The following FAT3 variants were observed in gnomAD, a reference collection of about 807,000 sequenced individuals.
The protein encoded by FAT3 is protocadherin Fat 3.
Under a neutral mutation model 310.2 loss-of-function variants are expected in FAT3, and 95 were observed. The observed-to-expected ratio is 0.31, with a 90% confidence interval of 0.26 to 0.36. The LOEUF is 0.36. Ranked by LOEUF, FAT3 falls within the 10% of genes least tolerant of loss-of-function variation. The pLI is 1.00. For synonymous variants in FAT3, 2,314 were observed against 2,192.9 expected (o/e 1.06, Z -1.54); for missense variants, 5,408 against 5,715.6 (o/e 0.95, Z 1.74).
intron 3 of FAT3, among the ~76,000 whole-genome samples, chr11:92,601,814 C>T (rs533604806): frequency 6.6e-6 from 1 of 152,188 alleles, no homozygotes; most frequent in African/African-American, 2.4e-5. Flanking sequence ...AAACATCATT[C>T]GTTCCAAGGC....
intron 3 of FAT3, among the ~76,000 whole-genome samples, chr11:92,531,778 C>G (rs1298916644): frequency 1.3e-5 from 2 of 151,626 alleles, no homozygotes; most frequent in Non-Finnish European, 2.9e-5. Flanking sequence ...TTTTCATATA[C>G]TTATTGTGAA....
chr11:92,712,326 C>T (rs894190567), intron 4 of FAT3, among the ~76,000 whole-genome samples: 1 of 152,100 alleles, frequency 6.6e-6, no homozygotes, highest in Non-Finnish European at 1.5e-5. Context: ...TACGTGCATG[C>T]CAAGAATAAG....
Position 92,840,730 on chromosome 11 carries a change from G to A in FAT3, c.10537G>A (p.Glu3513Lys). 1.9e-6 allele frequency: 3 copies of A among 1,602,024 alleles called. No individual in the cohort carries two copies. Among genetic ancestry groups the A allele is most frequent in the Non-Finnish European group, 2.6e-6 (3 of 1,170,012 alleles). ...GTCGGCTGTGGTCTTCCAGCACACA[G>A]AGTCTCTGGAATACGTGTTGTGTGT... is the stretch of plus-strand genomic sequence containing the variant. Reference protein sequence around the residue: ...LRSAVVFQHTESLEYVLCVQA... With the variant: ...LRSAVVFQHTKSLEYVLCVQA... The change falls in exon 18 of 28, where the codon GAG becomes AAG. Residue 3513 changes from glutamate to lysine, a missense_variant. By Grantham distance (56) the Glu-to-Lys change is moderately conservative. Around this residue, in one of 5 missense-constraint regions of FAT3, gnomAD observed 4,588 missense variants for 4,809.8 expected, o/e 0.95. Transcript: ENST00000525166.
intron 1 of FAT3, among the ~76,000 whole-genome samples, chr11:92,297,242 T>C (rs540413067): frequency 6.6e-6 from 1 of 152,134 alleles, no homozygotes; most frequent in Non-Finnish European, 1.5e-5. Context: ...TGAATTTTCA[T>C]AGTGTTTCAT....
intron 2 of FAT3, among the ~76,000 whole-genome samples, chr11:92,420,131 G>A (rs1254887808): frequency 6.6e-6 from 1 of 152,138 alleles, no homozygotes; most frequent in Non-Finnish European, 1.5e-5. Context: ...TGTCATTCAA[G>A]GGCAGAGTCT....
intron 2 of FAT3, among the ~76,000 whole-genome samples, chr11:92,506,152 G>A (rs1953093047): frequency 6.6e-6 from 1 of 152,122 alleles, no homozygotes; most frequent in Non-Finnish European, 1.5e-5. Flanking sequence ...CTCTAGGGCT[G>A]TTCCTAATTT....
chr11:92,722,918 C>G (rs141670187), intron 4 of FAT3, among the ~76,000 whole-genome samples: 1 of 152,090 alleles, frequency 6.6e-6, no homozygotes, highest in Non-Finnish European at 1.5e-5. Context: ...GCCTGGCCTA[C>G]GAAAACATCT....
At chr11:92,868,345 G>A (rs927600274) in intron 22 of FAT3, among the ~76,000 whole-genome samples, 1 of 152,140 alleles carries the variant, frequency 6.6e-6, no homozygotes, top group Admixed American at 6.5e-5. Context: ...TGAGGGCCAA[G>A]TACCCTGGGG....
intron 3 of FAT3, among the ~76,000 whole-genome samples, chr11:92,531,347 A>T (rs1383254319): frequency 6.6e-6 from 1 of 152,090 alleles, no homozygotes; most frequent in Admixed American, 6.6e-5. Context: ...CATTGTCATT[A>T]TGTCCCCAGG....
Position 92,844,148 on chromosome 11 carries a change from G to C in FAT3, c.10781G>C (p.Ser3594Thr), listed in dbSNP as rs773817037. The change falls in exon 19 of 28, where the codon AGC (serine) becomes ACC (threonine). Residue 3594 changes from serine (S) to threonine (T), a missense_variant. Ser to Thr is a moderately conservative substitution (Grantham distance 58). Around this residue, in one of 5 missense-constraint regions of FAT3, gnomAD observed 4,588 missense variants for 4,809.8 expected, o/e 0.95. Transcript: ENST00000525166. Reference sequence around the variant, plus strand: ...TTTGCCCTGAAATCGGAGCAGAAAAGCTTATTTAAAGTGAACAGTCACGAT... The same window carrying C: ...TTTGCCCTGAAATCGGAGCAGAAAACCTTATTTAAAGTGAACAGTCACGAT... ...LTFALKSEQK[S>T]LFKVNSHDGK... 1.9e-6 allele frequency: 3 copies of C among 1,614,014 alleles called. No homozygotes were observed. The highest frequency in any genetic ancestry group is 3.3e-5 in the Admixed American group (2 of 60,022).
rs1042635188 is a variant in FAT3 at position 92,765,218 on chromosome 11, G to A, written c.4195+129G>A. 7 of 828,132 alleles carry A rather than the reference G, an allele frequency of 8.5e-6. No homozygotes were observed. The African/African-American group carries it at 1.0e-4, about 12-fold the overall frequency. 51.3% of individuals were successfully genotyped at this position (828,132 alleles called of 1,614,324 possible). ...CCAAGATTAAAAGATGTATAGTGCTGGAATGCAAAAGAGCCAGTAAAGTGA... is the reference window on the plus strand; with the variant it reads ...CCAAGATTAAAAGATGTATAGTGCTAGAATGCAAAAGAGCCAGTAAAGTGA... On this transcript the variant is annotated intron_variant, in intron 6 of 27. Coordinates refer to ENST00000525166, the MANE Select transcript of FAT3 (RefSeq NM_001367949.2).
chr11:92,684,504 G>A (rs1025431331), intron 3 of FAT3, among the ~76,000 whole-genome samples: 1 of 152,122 alleles, frequency 6.6e-6, no homozygotes, highest in Admixed American at 6.5e-5. Context: ...GAAACAGGAG[G>A]AAAATCTGAA....
intron 4 of FAT3, chr11:92,748,766 A>G (rs1438765193): frequency 6.6e-6 from 1 of 152,234 alleles, no homozygotes; most frequent in African/African-American, 2.4e-5. Flanking sequence ...ATGTAATGAC[A>G]TTAAGGGCAG....
chr11:92,537,848 A>G (rs1954311887), intron 3 of FAT3, among the ~76,000 whole-genome samples: 1 of 152,150 alleles, frequency 6.6e-6, no homozygotes, highest in Non-Finnish European at 1.5e-5. Context: ...GAGGCTCAGG[A>G]AAGAAGAGCT....
chr11:92,226,776 C>T (rs1366086540), intron 1 of FAT3, among the ~76,000 whole-genome samples: 1 of 152,108 alleles, frequency 6.6e-6, no homozygotes, highest in Non-Finnish European at 1.5e-5. Context: ...CCAGCTCCAT[C>T]CCGCCGCCGC....
chr11:92,293,512 T>TTATATATATATATATA (rs1195340265), intron 1 of FAT3, among the ~76,000 whole-genome samples: 8 of 67,884 alleles, frequency 1.2e-4, no homozygotes, highest in South Asian at 5.5e-4. Context: ...GAACCTCAGA[T>TTATATATATATATATA]TATATATATA....
chr11:92,722,958 G>A (rs1252145297), intron 4 of FAT3, among the ~76,000 whole-genome samples: 1 of 152,102 alleles, frequency 6.6e-6, no homozygotes, highest in African/African-American at 2.4e-5. Flanking sequence ...GCCTGTGATG[G>A]GGGAGGGACT....
intron 2 of FAT3, 21 bp downstream of exon 2, chr11:92,355,425 C>T: frequency 6.3e-7 from 1 of 1,584,684 alleles, no homozygotes; most frequent in Non-Finnish European, 8.6e-7. Flanking sequence ...TATTTTGTGC[C>T]AAGAGTGTTG....
Position 92,837,639 on chromosome 11 carries a change from T to A in FAT3, c.10225-24T>A, listed in dbSNP as rs767673489. The A allele has an allele frequency of 2.2e-5, 36 of 1,612,980 alleles. No individual in the cohort carries two copies. In the African/African-American group the frequency reaches 3.7e-4, roughly 17 times the overall value. On this transcript the variant is annotated intron_variant, in intron 16 of 27. Coordinates refer to ENST00000525166, the MANE Select transcript of FAT3 (RefSeq NM_001367949.2). ...GGAAGGAAGCGCTACACCTCTTTAC[T>A]GTCACCTCTTTGTACCTTGGCAGGT...
Sources: allele counts gnomAD v4.1 joint callset (sites outside exome capture counted in the v4.1 genomes callset), GRCh38; gene constraint gnomAD v4.1.1; regional missense constraint gnomAD v4.1.1; transcripts MANE v1.5; gene names NCBI Gene and HGNC (gene_info 2026-07-23, HGNC 2026-07-21).